Variants in GLDN observed in about 807,000 individuals in gnomAD.
GLDN encodes the protein gliomedin.
In GLDN, 47 loss-of-function variants were observed where a neutral mutation model predicts 56.5. The observed-to-expected ratio is 0.83, with a 90% CI of 0.66 to 1.06. The LOEUF is 1.06. Among genes scored for constraint, GLDN ranks in the 50% least tolerant of loss-of-function variants. The pLI is 0.00. For missense variants in GLDN, 782 were observed against 714.3 expected, an observed-to-expected ratio of 1.09 and a Z score of -1.08; for synonymous variants, 332 against 278.8, an observed-to-expected ratio of 1.19 and a Z score of -1.90.
Position 51,404,972 on chromosome 15 carries a change from C to T in GLDN, c.*218C>T, listed in dbSNP as rs2038344844. 2.1e-6 allele frequency: 1 copy of T among 467,096 alleles called. No homozygotes were observed. The highest frequency in any genetic ancestry group is 3.0e-5 in the South Asian group (1 of 33,310). 28.9% of individuals were successfully genotyped at this position (467,096 alleles called of 1,614,324 possible). Reference sequence around the variant, plus strand: ...TCCCCACAGCTGGCTCTGCAAGTTACCTCTTTCTCCTTGGGCCTTAGTTTC... The same window carrying T: ...TCCCCACAGCTGGCTCTGCAAGTTATCTCTTTCTCCTTGGGCCTTAGTTTC... On this transcript the variant is annotated 3_prime_UTR_variant, in exon 10 of 10. Transcript: ENST00000335449.
At position 51,404,308 on chromosome 15, in the gene GLDN, C is replaced by G; in HGVS notation, c.1210C>G (p.Leu404Val). Residue 404 changes from leucine (L) to valine (V), a missense_variant, in exon 10 of 10, where the codon CTG (leucine) becomes GTG (valine). Transcript: ENST00000335449. ...FEFGQETSQT[L>V]KLENALYFDR... ...ATTTGGCCAGGAAACATCCCAAACT[C>G]TGAAGCTTGAAAATGCCTTGTATTT... 6.2e-7 allele frequency: 1 copy of G among 1,605,462 alleles called. No individual in the cohort carries two copies. Among genetic ancestry groups the G allele is most frequent in the East Asian group, 2.2e-5 (1 of 44,830 alleles).
Position 51,397,508 on chromosome 15 carries a change from C to A in GLDN, c.727C>A (p.Pro243Thr), listed in dbSNP as rs369454519. 1.3e-6 allele frequency: 2 copies of A among 1,586,768 alleles called. No homozygotes were observed. The highest frequency in any genetic ancestry group is 1.7e-6 in the Non-Finnish European group (2 of 1,165,234). The change falls in exon 6 of 10, where the codon CCC becomes ACC. Residue 243 changes from proline (P) to threonine (T), a missense_variant. Pro to Thr is a conservative substitution (Grantham distance 38). Transcript: ENST00000335449. ...CCAAGGCCCACCCGGTCCACCTGGG[C>A]CCCCAGGCCCTCCAGGTCCTCCAGG... ...GDQGPPGPPG[P>T]PGPPGPPGPP...
chr15:51,392,574 C>T (rs1211210172), intron 4 of GLDN, among the ~76,000 whole-genome samples: 2 of 151,996 alleles, frequency 1.3e-5, no homozygotes, highest in Non-Finnish European at 2.9e-5. Flanking sequence ...TTGAATCATC[C>T]CCAAACCATC....
At chr15:51,388,035 G>A (rs533402312) in intron 4 of GLDN, among the ~76,000 whole-genome samples, 8 of 152,284 alleles carry the variant, frequency 5.3e-5, no homozygotes, top group Non-Finnish European at 1.0e-4. Context: ...GTAGACTGGG[G>A]TGGGACTAGG....
chr15:51,360,069 G>T (rs2037262940), intron 1 of GLDN, among the ~76,000 whole-genome samples: 2 of 151,754 alleles, frequency 1.3e-5, no homozygotes, highest in South Asian at 4.2e-4. Flanking sequence ...TTATCACTCA[G>T]TCAGCTGCAG....
intron 1 of GLDN, among the ~76,000 whole-genome samples, chr15:51,368,868 G>A (rs2068590): frequency 0.014 from 2,190 of 152,280 alleles, 48 homozygotes; most frequent in African/African-American, 0.05. Flanking sequence ...CTTACTGAGT[G>A]TTCTGTTTAT....
chr15:51,391,509 T>C (rs2038019883), intron 4 of GLDN, among the ~76,000 whole-genome samples: 1 of 152,210 alleles, frequency 6.6e-6, no homozygotes, highest in African/African-American at 2.4e-5. Context: ...CTGGACTCTA[T>C]GGCAATGCCC....
At chr15:51,346,436 G>T (rs936473091) in intron 1 of GLDN, among the ~76,000 whole-genome samples, 12 of 152,200 alleles carry the variant, frequency 7.9e-5, no homozygotes, top group African/African-American at 2.4e-4. Context: ...GAGGAAGAAT[G>T]AATTTAATAA....
At chr15:51,383,053 G>A (rs180837463) in intron 2 of GLDN, among the ~76,000 whole-genome samples, 155 of 152,190 alleles carry the variant, frequency 1.0e-3, no homozygotes, top group African/African-American at 3.7e-3. Flanking sequence ...CTCCTGGGAC[G>A]GCCAAATCTC....
At chr15:51,411,941 A>G (rs1177668555), downstream of GLDN, among the ~76,000 whole-genome samples, 1 of 152,228 alleles carries the variant, frequency 6.6e-6, no homozygotes, top group Non-Finnish European at 1.5e-5. Flanking sequence ...CCACTGTGCC[A>G]ACTTAAAGAT....
chr15:51,408,984 A>C (rs62018073), downstream of GLDN, among the ~76,000 whole-genome samples: 2 of 150,264 alleles, frequency 1.3e-5, no homozygotes, highest in Non-Finnish European at 3.0e-5. Context: ...TAGTGCCACA[A>C]TAAACATACG....
intron 5 of GLDN, among the ~76,000 whole-genome samples, chr15:51,396,240 C>G (rs1256730590): frequency 6.6e-6 from 1 of 152,222 alleles, no homozygotes; most frequent in African/African-American, 2.4e-5. Context: ...TTCCTCAAAA[C>G]AAAGAACAAA....
intron 1 of GLDN, among the ~76,000 whole-genome samples, chr15:51,362,750 G>A (rs1233123599): frequency 2.0e-5 from 3 of 152,108 alleles, no homozygotes; most frequent in African/African-American, 4.8e-5. Flanking sequence ...AAGTTAGGTC[G>A]TGGAAGTAGG....
At chr15:51,382,233 C>T (rs116775730) in intron 2 of GLDN, among the ~76,000 whole-genome samples, 4,349 of 152,254 alleles carry the variant, frequency 0.029, 208 homozygotes, top group African/African-American at 0.1. Context: ...CACACTTCCC[C>T]AGTACCCCTT....
At position 51,407,069 on chromosome 15, in the gene GLDN, T is replaced by C. The variant is rs1321554892; in HGVS notation, c.*2315T>C. Reference sequence around the variant, plus strand: ...TAGAAAAATGTTTCAGAAACCTCAGTCTTGATATCTGAGCTATCTGGGCTC... The same window carrying C: ...TAGAAAAATGTTTCAGAAACCTCAGCCTTGATATCTGAGCTATCTGGGCTC... On this transcript the variant is annotated 3_prime_UTR_variant, in exon 10 of 10. Coordinates refer to ENST00000335449, the MANE Select transcript of GLDN (RefSeq NM_181789.4). The C allele has an allele frequency of 6.6e-6, 1 of 152,186 alleles. No individual in the cohort carries two copies. The highest frequency in any genetic ancestry group is 2.4e-5 in the African/African-American group (1 of 41,436). The allele number at this position is 152,186 out of a possible 1,614,324, so 9.4% of individuals were successfully genotyped here.
intron 2 of GLDN, 124 bp from the exon 3 acceptor site, chr15:51,383,311 TA>T: frequency 9.7e-7 from 1 of 1,027,464 alleles, no homozygotes; most frequent in Non-Finnish European, 1.5e-6. Context: ...TAACGAGTTC[TA>T]AATACAAGGT....
chr15:51,369,026 G>A (rs2037462240), intron 1 of GLDN: 2 of 152,208 alleles, frequency 1.3e-5, no homozygotes, highest in African/African-American at 4.8e-5. Context: ...ATTCCCGTTG[G>A]TGTTTGCAGA....
chr15:51,394,322 AATC>A (rs2038078820), intron 4 of GLDN, among the ~76,000 whole-genome samples: 2 of 152,146 alleles, frequency 1.3e-5, no homozygotes, highest in South Asian at 4.1e-4. Context: ...CTCTAAAAAT[AATC>A]CAGCAGGCCG....
At chr15:51,374,396 G>C (rs2037580441) in intron 1 of GLDN, among the ~76,000 whole-genome samples, 2 of 152,146 alleles carry the variant, frequency 1.3e-5, no homozygotes, top group African/African-American at 4.8e-5. Flanking sequence ...ATGACTAAAG[G>C]CAGTGAATCA....
Sources: gnomAD v4.1 joint callset for allele counts (sites outside exome capture counted in the v4.1 genomes callset) on GRCh38, gnomAD v4.1.1 for gene constraint, MANE v1.5 for transcripts, NCBI Gene and HGNC (gene_info 2026-07-23, HGNC 2026-07-21) for gene names.